Variants in RYR3 observed in about 807,000 individuals in gnomAD.
RYR3 encodes ryanodine receptor 3, also known as brain ryanodine receptor-calcium release channel.
Under a neutral mutation model 584.3 loss-of-function variants are expected in RYR3, and 207 were observed. That is an observed-to-expected ratio of 0.35 (90% CI 0.32 to 0.40). The LOEUF (loss-of-function observed/expected upper bound fraction) is 0.40. RYR3 is among the 10% of genes least tolerant of loss of function. RYR3 has a pLI of 1.00. For missense variants in RYR3, 5,616 were observed against 6,089.2 expected, an observed-to-expected ratio of 0.92 and a Z score of 2.59; for synonymous variants, 2,416 against 2,248.5, an observed-to-expected ratio of 1.07 and a Z score of -2.11.
chr15:33,459,275 T>TA (rs1362968208), intron 1 of RYR3, among the ~76,000 whole-genome samples: 1 of 152,190 alleles, frequency 6.6e-6, no homozygotes, highest in African/African-American at 2.4e-5. Flanking sequence ...AAATTCTGGT[T>TA]AAAAAATGCA....
intron 3 of RYR3, among the ~76,000 whole-genome samples, chr15:33,511,034 G>A (rs1253816310): frequency 6.6e-6 from 1 of 152,024 alleles, no homozygotes; most frequent in East Asian, 1.9e-4. Context: ...ACCTTTCTTG[G>A]TCTAAGCAAA....
intron 3 of RYR3, among the ~76,000 whole-genome samples, chr15:33,515,780 C>G (rs1442243726): frequency 6.6e-6 from 1 of 152,196 alleles, no homozygotes. Context: ...TTCTTCAGTT[C>G]TGCCAGTCTC....
chr15:33,601,596 C>T (rs763499575), intron 17 of RYR3, 44 bp downstream of exon 17: 4 of 1,605,796 alleles, frequency 2.5e-6, no homozygotes, highest in Non-Finnish European at 3.4e-6. Flanking sequence ...ATAGTTCTGC[C>T]TGTCTTGTCC....
At chr15:33,735,351 G>A (rs1342095361) in intron 48 of RYR3, among the ~76,000 whole-genome samples, 1 of 152,356 alleles carries the variant, frequency 6.6e-6, no homozygotes, top group African/African-American at 2.4e-5. Context: ...TTGTGAAACA[G>A]ACGACTTTTG....
intron 14 of RYR3, among the ~76,000 whole-genome samples, chr15:33,583,669 C>T (rs2152519869): frequency 6.6e-6 from 1 of 152,246 alleles, no homozygotes; most frequent in South Asian, 2.1e-4. Context: ...CCTGTAATCC[C>T]ACCAGTTTGG....
intron 1 of RYR3, among the ~76,000 whole-genome samples, chr15:33,396,723 A>G (rs993750954): frequency 3.9e-5 from 6 of 152,302 alleles, no homozygotes; most frequent in African/African-American, 1.4e-4. Flanking sequence ...CCATCTGCAG[A>G]GGATACCTGC....
Position 33,818,665 on chromosome 15 carries a change from A to G in RYR3, c.10687A>G (p.Asn3563Asp), listed in dbSNP as rs1175218442. The change falls in exon 76 of 104, where the codon AAC becomes GAC. Residue 3563 changes from asparagine to aspartate, a missense_variant. Asn to Asp is a conservative substitution (Grantham distance 23, BLOSUM62 1). Around this residue, in one of 9 missense-constraint regions of RYR3, gnomAD observed 954 missense variants for 1,132.2 expected, o/e 0.84. Coordinates refer to ENST00000634891, the MANE Select transcript of RYR3 (RefSeq NM_001036.6). ...TCAGATCATTCTCTATTTTAGCCGCAACGCTCTCACGGAGAGGAGGTCAGA... is the reference window on the plus strand; with the variant it reads ...TCAGATCATTCTCTATTTTAGCCGCGACGCTCTCACGGAGAGGAGGTCAGA... ...LHQIILYFSR[N>D]ALTERSKLED... 1 of 1,613,660 alleles carries G rather than the reference A, an allele frequency of 6.2e-7. No homozygotes were observed. Among genetic ancestry groups the G allele is most frequent in the Non-Finnish European group, 8.5e-7 (1 of 1,179,816 alleles).
intron 38 of RYR3, among the ~76,000 whole-genome samples, chr15:33,687,697 G>A (rs940534500): frequency 4.6e-5 from 7 of 152,220 alleles, no homozygotes; most frequent in African/African-American, 1.7e-4. Flanking sequence ...ACAGCATGGT[G>A]CTGGTACCAA....
At chr15:33,709,339 G>A (rs2066934848) in intron 43 of RYR3, among the ~76,000 whole-genome samples, 1 of 152,082 alleles carries the variant, frequency 6.6e-6, no homozygotes, top group Non-Finnish European at 1.5e-5. Flanking sequence ...AGGAGGTGAT[G>A]TTAGAGATAA....
intron 53 of RYR3, among the ~76,000 whole-genome samples, chr15:33,747,672 G>C (rs140792167): frequency 0.015 from 2,239 of 151,966 alleles, 38 homozygotes; most frequent in African/African-American, 0.051. Context: ...TGATCCACCC[G>C]CCTCGGCCTC....
intron 1 of RYR3, among the ~76,000 whole-genome samples, chr15:33,415,855 C>T (rs2043772529): frequency 6.6e-6 from 1 of 152,124 alleles, no homozygotes; most frequent in South Asian, 2.1e-4. Flanking sequence ...CCCTTCTCCC[C>T]ACCTTCATCC....
intron 1 of RYR3, among the ~76,000 whole-genome samples, chr15:33,448,205 C>T (rs551680247): frequency 6.6e-6 from 1 of 152,184 alleles, no homozygotes; most frequent in South Asian, 2.1e-4. Context: ...TAAGCAGCCC[C>T]TCTCAAGAAA....
chr15:33,589,385 G>C (rs989719521), intron 16 of RYR3, among the ~76,000 whole-genome samples: 1 of 152,158 alleles, frequency 6.6e-6, no homozygotes, highest in African/African-American at 2.4e-5. Flanking sequence ...ATAGTTGGCA[G>C]ATATTTTCTC....
chr15:33,356,682 G>GTT (rs1480328984), intron 1 of RYR3, among the ~76,000 whole-genome samples: 7 of 152,182 alleles, frequency 4.6e-5, no homozygotes, highest in African/African-American at 1.7e-4. Flanking sequence ...AGGAGTAAGT[G>GTT]TAAGTATAAG....
chr15:33,503,346 T>G (rs2052171606), intron 2 of RYR3, among the ~76,000 whole-genome samples: 1 of 152,184 alleles, frequency 6.6e-6, no homozygotes, highest in African/African-American at 2.4e-5. Flanking sequence ...CTCTCCCTTC[T>G]TTGGCAAGGC....
In RYR3 at chr15:33,841,963, G is replaced by A; in HGVS notation, c.13137G>A (p.Gln4379=). The A allele has an allele frequency of 6.2e-7, 1 of 1,602,862 alleles. No individual in the cohort carries two copies. Among genetic ancestry groups the A allele is most frequent in the South Asian group, 1.1e-5 (1 of 88,764 alleles). The change falls in exon 91 of 104, where the codon CAG becomes CAA. Residue 4379 remains glutamine, a synonymous_variant. Transcript: ENST00000634891. ...AAAAGAAGAAGCGGCGGTGTGGTCA[G>A]AAGGTTGAGAAGCCGGAAGCTTTCA... is the stretch of plus-strand genomic sequence containing the variant. ...VTKKKKRRCG[Q]KVEKPEAFTA... is the part of the protein sequence containing the mutation.
At chr15:33,807,681 C>A in intron 70 of RYR3, 112 bp downstream of exon 70, 3 of 1,065,540 alleles carry the variant, frequency 2.8e-6, no homozygotes, top group Non-Finnish European at 4.3e-6. Flanking sequence ...GATTTTCCCG[C>A]CTGGAGGTCC....
chr15:33,490,096 T>C (rs1283970642), intron 2 of RYR3, among the ~76,000 whole-genome samples: 3 of 152,252 alleles, frequency 2.0e-5, no homozygotes, highest in Non-Finnish European at 4.4e-5. Flanking sequence ...CCCTTGGGAA[T>C]TTGTTTTTCT....
chr15:33,361,647 T>C (rs144982541), intron 1 of RYR3, among the ~76,000 whole-genome samples: 41 of 152,294 alleles, frequency 2.7e-4, no homozygotes, highest in African/African-American at 9.6e-4. Context: ...CTTCCTTCGC[T>C]GTGACTTCCT....
Sources: allele counts gnomAD v4.1 joint callset (sites outside exome capture counted in the v4.1 genomes callset), GRCh38; gene constraint gnomAD v4.1.1; regional missense constraint gnomAD v4.1.1; transcripts MANE v1.5; gene names NCBI Gene and HGNC (gene_info 2026-07-23, HGNC 2026-07-21).